The following NUP62CL variants were observed in gnomAD, a reference collection of about 807,000 sequenced individuals.
NUP62CL encodes the protein nucleoporin 62 C-terminal like.
A neutral mutation model predicts 15.3 loss-of-function variants in NUP62CL; 13 were observed. That is an observed-to-expected ratio of 0.85 (90% CI 0.55 to 1.35). NUP62CL has a LOEUF of 1.35. NUP62CL is among the 40% of genes most tolerant of loss of function. The pLI is 0.00. For synonymous variants in NUP62CL, 54 were observed against 49.2 expected (o/e 1.10, Z -0.41); for missense variants, 123 against 130.6 (o/e 0.94, Z 0.28).
At chrX:107,176,519 A>G (rs776521230) in intron 2 of NUP62CL, among the ~76,000 whole-genome samples, 1 of 108,053 alleles carries the variant, frequency 9.3e-6, no homozygotes, top group Non-Finnish European at 1.9e-5. Context: ...AGGGGCTGGG[A>G]GGAATGGGTA....
At chrX:107,178,420 A>G (rs1434631995) in intron 2 of NUP62CL, among the ~76,000 whole-genome samples, 1 of 112,478 alleles carries the variant, frequency 8.9e-6, no homozygotes, top group Non-Finnish European at 1.9e-5. Flanking sequence ...GCATAGTGAC[A>G]CAAATAAGAT....
chrX:107,183,090 G>A (rs930934572), intron 2 of NUP62CL, among the ~76,000 whole-genome samples: 4 of 111,616 alleles, frequency 3.6e-5, no homozygotes, highest in African/African-American at 1.3e-4. Flanking sequence ...CTACTCCAGA[G>A]GCCGAGACGG....
At chrX:107,156,693 A>G (rs1183340322) in intron 4 of NUP62CL, among the ~76,000 whole-genome samples, 3 of 92,057 alleles carry the variant, frequency 3.3e-5, no homozygotes, top group Non-Finnish European at 6.4e-5. Context: ...AACAGAACAG[A>G]AAAACTGGAA....
chrX:107,124,621 T>C (rs780675487), intron 8 of NUP62CL, among the ~76,000 whole-genome samples: 2 of 111,243 alleles, frequency 1.8e-5, no homozygotes, highest in Non-Finnish European at 3.8e-5. Context: ...TTTTGACTCA[T>C]TATACCCTAA....
intron 8 of NUP62CL, chrX:107,131,931 G>T: frequency 9.8e-7 from 1 of 1,023,463 alleles, no homozygotes; most frequent in Non-Finnish European, 1.4e-6. Flanking sequence ...GTCATACAAT[G>T]AAGAAGCTCA....
At chrX:107,174,078 T>C (rs184408798) in intron 3 of NUP62CL, among the ~76,000 whole-genome samples, 13 of 63,611 alleles carry the variant, frequency 2.0e-4, no homozygotes, top group African/African-American at 3.1e-4. Flanking sequence ...CCTCTCTCTC[T>C]CTCCCTCCCT....
intron 8 of NUP62CL, among the ~76,000 whole-genome samples, chrX:107,137,150 T>C (rs780046798): frequency 2.4e-4 from 27 of 112,197 alleles, no homozygotes; most frequent in Non-Finnish European, 4.3e-4. Context: ...ATTATGTCAA[T>C]TGCTACAGAA....
intron 1 of NUP62CL, among the ~76,000 whole-genome samples, chrX:107,202,277 A>G (rs996127461): frequency 3.6e-5 from 4 of 112,282 alleles, no homozygotes; most frequent in African/African-American, 1.3e-4. Context: ...TCTTAATTTT[A>G]AAGAAGTAAT....
At chrX:107,143,234 C>T (rs993673781) in intron 8 of NUP62CL, among the ~76,000 whole-genome samples, 16 of 111,550 alleles carry the variant, frequency 1.4e-4, no homozygotes, top group African/African-American at 4.6e-4. Flanking sequence ...TTCCAAATCA[C>T]GCTTTTTTAT....
rs1201656024 is a variant in NUP62CL at position 107,175,200 on chromosome X, A to G, written c.-47-7T>C. On this transcript the variant is annotated splice_region_variant and splice_polypyrimidine_tract_variant and intron_variant, in intron 2 of 8. Transcript: ENST00000372466. ...GCAGCTGCTGGAGCCAAACCTAAAAATCAAAGTAACAAACAGAAAAATATG... is the reference window on the plus strand; with the variant it reads ...GCAGCTGCTGGAGCCAAACCTAAAAGTCAAAGTAACAAACAGAAAAATATG... The G allele has an allele frequency of 4.4e-6, 4 of 917,097 alleles. No homozygotes were observed. The East Asian group carries it at 1.3e-4, about 29-fold the overall frequency. 75.6% of individuals were successfully genotyped at this position (917,097 alleles called of 1,213,427 possible). A position where few individuals can be genotyped will look rare whatever the true frequency, so the allele number is the denominator to read the frequency against.
intron 2 of NUP62CL, among the ~76,000 whole-genome samples, chrX:107,176,579 G>A (rs1327296209): frequency 9.3e-6 from 1 of 108,092 alleles, no homozygotes; most frequent in Non-Finnish European, 1.9e-5. Context: ...TGTCGGGGGG[G>A]CGATGAAAAT....
chrX:107,167,591 GT>G (rs1926546335), intron 4 of NUP62CL, 57 bp downstream of exon 4: 10 of 875,197 alleles, frequency 1.1e-5, no homozygotes, highest in Non-Finnish European at 1.6e-5. Flanking sequence ...CCAAGCAAAT[GT>G]CTTGTACATG....
intron 1 of NUP62CL, among the ~76,000 whole-genome samples, chrX:107,195,439 T>A (rs141190397): frequency 2.7e-5 from 3 of 111,924 alleles, no homozygotes; most frequent in Non-Finnish European, 3.8e-5. Context: ...TATCTGTGCA[T>A]GCAGGAACAA....
chrX:107,173,198 T>C (rs1926692334), intron 3 of NUP62CL, among the ~76,000 whole-genome samples: 1 of 112,352 alleles, frequency 8.9e-6, no homozygotes, highest in African/African-American at 3.2e-5. Context: ...TGAAGAGTCC[T>C]TTAGAAACTT....
intron 2 of NUP62CL, among the ~76,000 whole-genome samples, chrX:107,181,499 G>T (rs1258722588): frequency 3.6e-5 from 4 of 109,874 alleles, no homozygotes; most frequent in South Asian, 3.8e-4. Flanking sequence ...TACAGGAAAA[G>T]AATAAATTTA....
chrX:107,199,857 C>T (rs757227745), intron 1 of NUP62CL, among the ~76,000 whole-genome samples: 3 of 112,105 alleles, frequency 2.7e-5, no homozygotes, highest in Non-Finnish European at 5.6e-5. Context: ...ATAAAGTCTT[C>T]CAGAAAAAGT....
At chrX:107,137,866 C>T (rs2147793405) in intron 8 of NUP62CL, among the ~76,000 whole-genome samples, 1 of 111,649 alleles carries the variant, frequency 9.0e-6, no homozygotes, top group South Asian at 3.7e-4. Flanking sequence ...GAAACTAAAA[C>T]AATCTTGACA....
In NUP62CL at chrX:107,175,087, A is replaced by C; in HGVS notation, c.58+2T>G. 8.4e-7 allele frequency: 1 copy of C among 1,193,970 alleles called. No individual in the cohort carries two copies. Among genetic ancestry groups the C allele is most frequent in the Non-Finnish European group, 1.1e-6 (1 of 880,251 alleles). On this transcript the variant is annotated splice_donor_variant, in intron 3 of 8. Transcript: ENST00000372466. LOFTEE classifies it high-confidence loss of function. Reference sequence around the variant, plus strand: ...GTATTTTCTTTAGAATTAGTAACTTACATGAGAGCCCAATAGCAGCAGTGG... The same window carrying C: ...GTATTTTCTTTAGAATTAGTAACTTCCATGAGAGCCCAATAGCAGCAGTGG...
At chrX:107,135,448 A>T (rs1434812850) in intron 8 of NUP62CL, among the ~76,000 whole-genome samples, 1 of 111,503 alleles carries the variant, frequency 9.0e-6, no homozygotes, top group Non-Finnish European at 1.9e-5. Context: ...GTAACCTTGG[A>T]AATAGAAGCC....
Sources: gnomAD v4.1 joint callset for allele counts (sites outside exome capture counted in the v4.1 genomes callset) on GRCh38, gnomAD v4.1.1 for gene constraint, MANE v1.5 for transcripts, NCBI Gene and HGNC (gene_info 2026-07-23, HGNC 2026-07-21) for gene names.